The following PIGN variants were observed in gnomAD, a reference collection of about 807,000 sequenced individuals.
PIGN encodes the protein phosphatidylinositol glycan anchor biosynthesis class N.
A neutral mutation model predicts 125.4 loss-of-function variants in PIGN; 117 were observed. The ratio of observed to expected loss-of-function variants is 0.93; its 90% CI spans 0.80 to 1.09. The LOEUF is 1.09. Ranked by LOEUF, PIGN falls within the 50% of genes least tolerant of loss-of-function variation. The pLI is 0.00. For synonymous variants in PIGN, 392 were observed against 377.8 expected, an observed-to-expected ratio of 1.04 and a Z score of -0.44; for missense variants, 1,075 against 1,094.9, an observed-to-expected ratio of 0.98 and a Z score of 0.26.
At chr18:62,018,344 C>G (rs1026424969) in intron 23 of PIGN, among the ~76,000 whole-genome samples, 1 of 152,220 alleles carries the variant, frequency 6.6e-6, no homozygotes, top group African/African-American at 2.4e-5. Context: ...AGGGCTCATG[C>G]ACATTCAGTG....
At chr18:62,052,040 A>G (rs2031344749) in intron 30 of PIGN, 1 of 152,102 alleles carries the variant, frequency 6.6e-6, no homozygotes, top group South Asian at 2.1e-4. Flanking sequence ...CCTGAGTTCT[A>G]GTTTTATTGC....
chr18:62,072,843 G>A, intron 29 of PIGN, 118 bp from the exon 30 acceptor site: 1 of 647,710 alleles, frequency 1.5e-6, no homozygotes, highest in Non-Finnish European at 2.6e-6. Context: ...CTATCTGACT[G>A]TAATCAACAA....
At chr18:62,101,249 G>A (rs1242081241) in intron 21 of PIGN, 66 bp from the exon 22 acceptor site, 2 of 860,194 alleles carry the variant, frequency 2.3e-6, no homozygotes, top group Non-Finnish European at 3.8e-6. Context: ...TAGCAAGAAT[G>A]TAAGACATTC....
chr18:62,158,772 A>G (rs1037238192), intron 4 of PIGN, among the ~76,000 whole-genome samples: 12 of 152,258 alleles, frequency 7.9e-5, no homozygotes, highest in Non-Finnish European at 1.2e-4. Flanking sequence ...TACATTCATA[A>G]TAAGTAAACA....
chr18:62,071,777 T>C (rs1466759710), intron 30 of PIGN, among the ~76,000 whole-genome samples: 1 of 150,642 alleles, frequency 6.6e-6, no homozygotes, highest in Non-Finnish European at 1.5e-5. Context: ...GTACATAATA[T>C]CTGATAATGA....
intron 10 of PIGN, 35 bp downstream of exon 10, chr18:62,145,874 G>T: frequency 9.8e-7 from 1 of 1,017,758 alleles, no homozygotes; most frequent in Non-Finnish European, 1.5e-6. Context: ...ATTTTAAGAG[G>T]TTGTATTTAT....
At position 62,042,844 on chromosome 18, in the gene PIGN, G is replaced by A. The variant is rs189996082; in HGVS notation, c.*3012C>T. ...TGGCAGGATCACTTGAGCCCAGGAG[G>A]CAGAGGTTGCAGTGAGCTGAGATGG... is the stretch of plus-strand genomic sequence containing the variant. On this transcript the variant is annotated 3_prime_UTR_variant, in exon 31 of 31. Transcript: ENST00000640252. 2 of 151,810 alleles carry A rather than the reference G, an allele frequency of 1.3e-5. No homozygotes were observed. Among genetic ancestry groups the A allele is most frequent in the Admixed American group, 6.6e-5 (1 of 15,256 alleles). The allele number at this position is 151,810 out of a possible 1,614,324, so 9.4% of individuals were successfully genotyped here. A position where few individuals can be genotyped will look rare whatever the true frequency, so the allele number is the denominator to read the frequency against.
At chr18:62,109,090 C>T (rs1010759252) in intron 17 of PIGN, among the ~76,000 whole-genome samples, 2 of 152,100 alleles carry the variant, frequency 1.3e-5, no homozygotes, top group African/African-American at 2.4e-5. Context: ...CTTTGATATC[C>T]ATGACTAAGT....
In PIGN at chr18:62,148,228, A is replaced by C; in HGVS notation, c.660T>G (p.His220Gln). ...LLGIDTNGHA[H>Q]RPSSRDYKHN... is the part of the protein sequence containing the mutation. The stretch of plus-strand genomic sequence containing the variant: ...TATTAAATTACCTCGAGGATGGTCG[A>C]TGAGCATGTCCGTTTGTATCTATTC... Residue 220 changes from histidine (H) to glutamine (Q), a missense_variant, in exon 8 of 31, where the codon CAT (histidine) becomes CAG (glutamine). Physicochemically the swap from His to Gln is conservative, Grantham distance 24 (BLOSUM62 0). Transcript: ENST00000640252. The C allele has an allele frequency of 1.3e-6, 2 of 1,544,728 alleles. No homozygotes were observed. Among genetic ancestry groups the C allele is most frequent in the Non-Finnish European group, 1.7e-6 (2 of 1,143,926 alleles).
intron 30 of PIGN, among the ~76,000 whole-genome samples, chr18:62,063,041 AC>A (rs926331681): frequency 1.5e-4 from 23 of 151,606 alleles, no homozygotes; most frequent in African/African-American, 5.6e-4. Flanking sequence ...GCAAGCTTGC[AC>A]TAGCTCTTTT....
At chr18:62,027,351 C>T (rs1258776393) in intron 23 of PIGN, among the ~76,000 whole-genome samples, 2 of 152,186 alleles carry the variant, frequency 1.3e-5, no homozygotes, top group African/African-American at 4.8e-5. Context: ...GTTGAGGACA[C>T]GTGCCCATGA....
At chr18:62,112,414 A>G (rs2034915424) in intron 16 of PIGN, among the ~76,000 whole-genome samples, 1 of 152,182 alleles carries the variant, frequency 6.6e-6, no homozygotes, top group Non-Finnish European at 1.5e-5. Context: ...AATGAAGCAA[A>G]GGAAATGAAA....
At chr18:62,172,580 C>CATTTGTAAATGCAAATGTAT (rs1385705986) in intron 1 of PIGN, among the ~76,000 whole-genome samples, 1 of 151,878 alleles carries the variant, frequency 6.6e-6, no homozygotes, top group African/African-American at 2.4e-5. Context: ...TGCAAATGTG[C>CATTTGTAAATGCAAATGTAT]ATTTGTAAAT....
chr18:62,094,896 A>C (rs1196702168), intron 23 of PIGN, among the ~76,000 whole-genome samples: 1 of 152,202 alleles, frequency 6.6e-6, no homozygotes, highest in African/African-American at 2.4e-5. Flanking sequence ...ATATGAGACT[A>C]CAAGAACTCC....
intron 14 of PIGN, among the ~76,000 whole-genome samples, chr18:62,125,346 G>T (rs1446648344): frequency 2.0e-5 from 3 of 151,934 alleles, no homozygotes; most frequent in Admixed American, 6.6e-5. Context: ...TTTTGTTGAT[G>T]ATTATATTAT....
intron 14 of PIGN, among the ~76,000 whole-genome samples, chr18:62,128,447 C>T (rs968154776): frequency 6.6e-6 from 1 of 152,024 alleles, no homozygotes; most frequent in Admixed American, 6.6e-5. Flanking sequence ...CACTAGGCCA[C>T]GGAAGGTATT....
intron 27 of PIGN, among the ~76,000 whole-genome samples, chr18:62,083,143 AC>A (rs1787524637): frequency 6.6e-6 from 1 of 152,032 alleles, no homozygotes; most frequent in African/African-American, 2.4e-5. Context: ...AGATCCTTAA[AC>A]CCATCTGGTT....
chr18:62,158,794 A>G (rs1430828151), intron 4 of PIGN, among the ~76,000 whole-genome samples: 1 of 152,242 alleles, frequency 6.6e-6, no homozygotes, highest in African/African-American at 2.4e-5. Flanking sequence ...TTTCAAAACC[A>G]CTGGACCAAA....
At chr18:62,064,898 A>G (rs981763691) in intron 30 of PIGN, among the ~76,000 whole-genome samples, 5 of 144,050 alleles carry the variant, frequency 3.5e-5, no homozygotes, top group African/African-American at 5.1e-5. Context: ...AAATTACTTA[A>G]AACAGCTGAA....
Sources: allele counts gnomAD v4.1 joint callset (sites outside exome capture counted in the v4.1 genomes callset), GRCh38; gene constraint gnomAD v4.1.1; transcripts MANE v1.5; gene names NCBI Gene and HGNC (gene_info 2026-07-23, HGNC 2026-07-21).